Variants in KCNIP1 observed in about 807,000 individuals in gnomAD.
KCNIP1 encodes the protein A-type potassium channel modulatory protein KCNIP1.
A neutral mutation model predicts 33.0 loss-of-function variants in KCNIP1; 18 were observed. The observed-to-expected ratio is 0.55, with a 90% CI of 0.38 to 0.81. The LOEUF is 0.81. Ranked by LOEUF, KCNIP1 falls within the 30% of genes least tolerant of loss-of-function variation. The pLI, the probability that KCNIP1 is intolerant of heterozygous loss-of-function variation, is 0.00. For synonymous variants in KCNIP1, 93 were observed against 98.3 expected (o/e 0.95, Z 0.32); for missense variants, 238 against 271.6 (o/e 0.88, Z 0.87).
intron 1 of KCNIP1, among the ~76,000 whole-genome samples, chr5:170,601,870 T>G (rs572683204): frequency 2.0e-5 from 3 of 152,210 alleles, no homozygotes; most frequent in African/African-American, 7.2e-5. Flanking sequence ...GCAGGACCTG[T>G]CTGGAGTCTT....
chr5:170,458,096 C>T (rs1254402131), intron 1 of KCNIP1, among the ~76,000 whole-genome samples: 2 of 152,130 alleles, frequency 1.3e-5, no homozygotes, highest in African/African-American at 4.8e-5. Flanking sequence ...GAAGAAAGAA[C>T]TTCAGAGCTC....
intron 1 of KCNIP1, among the ~76,000 whole-genome samples, chr5:170,561,488 G>A (rs1757032857): frequency 6.6e-6 from 1 of 152,242 alleles, no homozygotes; most frequent in South Asian, 2.1e-4. Flanking sequence ...TGGTGAAGGA[G>A]CATGTGGGAG....
chr5:170,360,299 G>A (rs550861033), intron 1 of KCNIP1, among the ~76,000 whole-genome samples: 1 of 152,318 alleles, frequency 6.6e-6, no homozygotes, highest in Non-Finnish European at 1.5e-5. Flanking sequence ...GATGCAGGGC[G>A]GGAAAACTCT....
chr5:170,528,680 T>C (rs1755672261), intron 1 of KCNIP1, among the ~76,000 whole-genome samples: 1 of 152,332 alleles, frequency 6.6e-6, no homozygotes, highest in Middle Eastern at 3.4e-3. Flanking sequence ...TCTCTGTTCA[T>C]AGACAGGAAA....
At chr5:170,404,679 C>A (rs1754990867) in intron 1 of KCNIP1, among the ~76,000 whole-genome samples, 1 of 152,146 alleles carries the variant, frequency 6.6e-6, no homozygotes, top group African/African-American at 2.4e-5. Flanking sequence ...AAGCTTGAAA[C>A]TCACACTGTC....
At chr5:170,690,862 A>G (rs1762695554) in intron 1 of KCNIP1, among the ~76,000 whole-genome samples, 1 of 152,208 alleles carries the variant, frequency 6.6e-6, no homozygotes. Flanking sequence ...CAAGCATCTG[A>G]TTGCTTTCAT....
intron 1 of KCNIP1, among the ~76,000 whole-genome samples, chr5:170,497,745 C>A (rs62394277): frequency 0.083 from 12,581 of 152,258 alleles, 638 homozygotes; most frequent in East Asian, 0.2. Flanking sequence ...ATATCCTTCC[C>A]CCTCTCCCTG....
chr5:170,512,273 A>G (rs1754961249), intron 1 of KCNIP1, among the ~76,000 whole-genome samples: 1 of 152,252 alleles, frequency 6.6e-6, no homozygotes, highest in Admixed American at 6.5e-5. Context: ...GACCAGGATC[A>G]GAGTTTTCAC....
At chr5:170,560,651 G>A (rs529608363) in intron 1 of KCNIP1, among the ~76,000 whole-genome samples, 1 of 152,166 alleles carries the variant, frequency 6.6e-6, no homozygotes, top group South Asian at 2.1e-4. Flanking sequence ...TATCTAGAAA[G>A]AAACATTTGA....
intron 1 of KCNIP1, among the ~76,000 whole-genome samples, chr5:170,496,003 G>A (rs1166829890): frequency 6.6e-6 from 1 of 152,188 alleles, no homozygotes; most frequent in Non-Finnish European, 1.5e-5. Context: ...CATGTTCAGC[G>A]GGCCGTGCAG....
intron 1 of KCNIP1, among the ~76,000 whole-genome samples, chr5:170,576,211 C>T (rs62394309): frequency 0.017 from 2,585 of 152,322 alleles, 34 homozygotes; most frequent in Middle Eastern, 0.071. Flanking sequence ...TCTGCATAAG[C>T]ATGGCTCATC....
intron 1 of KCNIP1, among the ~76,000 whole-genome samples, chr5:170,541,380 G>A (rs1333950937): frequency 3.3e-5 from 5 of 152,178 alleles, no homozygotes; most frequent in African/African-American, 4.8e-5. Context: ...ACTGTGAAGT[G>A]TCTGTCTGAA....
rs374269817 is a variant in KCNIP1, at chr5:170,664,689, C to T, written c.62-54069C>T. 1.3e-4 allele frequency among the ~76,000 whole-genome samples: 19 copies of T among 151,732 alleles called. No individual in the cohort carries two copies. The East Asian group carries it at 2.7e-3, about 22-fold the overall frequency. On this transcript the variant is annotated intron_variant, in intron 1 of 7. Coordinates refer to ENST00000328939, the MANE Select transcript of KCNIP1 (RefSeq NM_014592.4). Reference sequence around the variant, plus strand: ...TCGGGGATGAAAAAGGCAGACAAGGCGCCCTGCCCTCAAGGGGTTTTCAGT... The same window carrying T: ...TCGGGGATGAAAAAGGCAGACAAGGTGCCCTGCCCTCAAGGGGTTTTCAGT...
At chr5:170,430,642 C>T (rs2113445729) in intron 1 of KCNIP1, among the ~76,000 whole-genome samples, 1 of 152,290 alleles carries the variant, frequency 6.6e-6, no homozygotes, top group Non-Finnish European at 1.5e-5. Flanking sequence ...GTCCTCATTT[C>T]CCATCATTTA....
intron 1 of KCNIP1, among the ~76,000 whole-genome samples, chr5:170,714,567 A>C (rs572341453): frequency 6.6e-6 from 1 of 152,336 alleles, no homozygotes; most frequent in African/African-American, 2.4e-5. Context: ...GTGGTCCCAT[A>C]AGATTATAAC....
chr5:170,357,280 G>A (rs1763374285), intron 1 of KCNIP1, among the ~76,000 whole-genome samples: 1 of 152,172 alleles, frequency 6.6e-6, no homozygotes, highest in Non-Finnish European at 1.5e-5. Flanking sequence ...TCTATAAAAT[G>A]GAATTACAAT....
At chr5:170,661,220 A>G (rs1015210418) in intron 1 of KCNIP1, among the ~76,000 whole-genome samples, 5 of 152,078 alleles carry the variant, frequency 3.3e-5, no homozygotes, top group Non-Finnish European at 7.4e-5. Flanking sequence ...ATTTGAGGGC[A>G]TCCATGATGT....
chr5:170,725,591 G>T (rs554033977), intron 5 of KCNIP1, among the ~76,000 whole-genome samples: 5 of 152,182 alleles, frequency 3.3e-5, no homozygotes, highest in Non-Finnish European at 5.9e-5. Flanking sequence ...AATGAATAAG[G>T]CCTGGTATTT....
At chr5:170,698,129 G>C (rs1762961606) in intron 1 of KCNIP1, among the ~76,000 whole-genome samples, 1 of 152,192 alleles carries the variant, frequency 6.6e-6, no homozygotes, top group Admixed American at 6.5e-5. Flanking sequence ...ACCTAGAAGA[G>C]GGGGCCAGAA....
Sources: allele counts gnomAD v4.1 joint callset (sites outside exome capture counted in the v4.1 genomes callset), GRCh38; gene constraint gnomAD v4.1.1; transcripts MANE v1.5; gene names NCBI Gene and HGNC (gene_info 2026-07-23, HGNC 2026-07-21).